DDX4: variants seen among roughly 807,000 people sequenced by gnomAD.
The protein encoded by DDX4 is DEAD-box helicase 4, also known as probable ATP-dependent RNA helicase DDX4.
A neutral mutation model predicts 100.0 loss-of-function variants in DDX4; 25 were observed. The ratio of observed to expected loss-of-function variants is 0.25; its 90% CI spans 0.18 to 0.35. DDX4 has a LOEUF of 0.35. Among genes scored for constraint, DDX4 ranks in the 10% least tolerant of loss-of-function variants. DDX4 has a pLI of 1.00. For missense variants in DDX4, 635 were observed against 882.4 expected (o/e 0.72, Z 3.55); for synonymous variants, 259 against 275.7 (o/e 0.94, Z 0.60).
At chr5:55,763,550 G>A (rs917950547) in intron 5 of DDX4, among the ~76,000 whole-genome samples, 2 of 152,016 alleles carry the variant, frequency 1.3e-5, no homozygotes, top group Admixed American at 6.6e-5. Context: ...AAAACTTGAC[G>A]ACTTTTTAAA....
In DDX4 at chr5:55,786,607, T is replaced by C. The variant is rs1369609246; in HGVS notation, c.954T>C (p.Ser318=). ...AGCTTACTCCTGTGCAAAAATACAG[T>C]ATTCCTATCATACTTGCAGGACGAG... is the stretch of plus-strand genomic sequence containing the variant. ...YTKLTPVQKY[S]IPIILAGRDL... The change falls in exon 14 of 22, where the codon AGT becomes AGC. Residue 318 remains serine (S), a synonymous_variant. Coordinates refer to ENST00000505374, the MANE Select transcript of DDX4 (RefSeq NM_024415.3). 4 of 1,612,978 alleles carry C rather than the reference T, an allele frequency of 2.5e-6. No individual in the cohort carries two copies. In the East Asian group the frequency reaches 8.9e-5, roughly 36 times the overall value.
intron 18 of DDX4, among the ~76,000 whole-genome samples, chr5:55,800,068 A>G (rs1743201842): frequency 6.6e-6 from 1 of 152,212 alleles, no homozygotes; most frequent in African/African-American, 2.4e-5. Context: ...TTCATAATAT[A>G]CACTAATAGC....
At position 55,763,456 on chromosome 5, in the gene DDX4, T is replaced by C. The variant is rs935493232; in HGVS notation, c.283+204T>C. On this transcript the variant is annotated intron_variant, in intron 5 of 21. Transcript: ENST00000505374. The stretch of plus-strand genomic sequence containing the variant: ...ATGAAAGATTACTGATGAATGCTTT[T>C]AAAATTAATTCTAGAGACATGTCTG... 2.6e-5 allele frequency among the ~76,000 whole-genome samples: 4 copies of C among 152,162 alleles called. No individual in the cohort carries two copies. In the East Asian group the frequency reaches 7.7e-4, roughly 29 times the overall value.
At chr5:55,790,791 T>A in intron 16 of DDX4, 86 bp downstream of exon 16, 1 of 1,183,098 alleles carries the variant, frequency 8.5e-7, no homozygotes, top group Non-Finnish European at 1.2e-6. Flanking sequence ...AAGACAGATG[T>A]ATTTAGTAGA....
intron 7 of DDX4, among the ~76,000 whole-genome samples, chr5:55,778,607 C>T (rs142785655): frequency 1.9e-3 from 282 of 152,138 alleles, no homozygotes; most frequent in African/African-American, 4.8e-3. Context: ...AGGAAAAAGA[C>T]GTGGGGCCAG....
chr5:55,778,622 T>G (rs1256216893), intron 7 of DDX4, among the ~76,000 whole-genome samples: 2 of 152,166 alleles, frequency 1.3e-5, no homozygotes, highest in East Asian at 3.9e-4. Context: ...GGCCAGGCGC[T>G]GTGGCTCACG....
intron 14 of DDX4, among the ~76,000 whole-genome samples, chr5:55,787,003 C>A (rs1303217897): frequency 6.6e-6 from 1 of 152,168 alleles, no homozygotes; most frequent in Non-Finnish European, 1.5e-5. Flanking sequence ...TGTATTATAG[C>A]TGGTACACTC....
At chr5:55,792,039 A>C (rs553322701) in intron 16 of DDX4, among the ~76,000 whole-genome samples, 117 of 148,764 alleles carry the variant, frequency 7.9e-4, no homozygotes, top group African/African-American at 2.8e-3. Context: ...CAGGAGAATC[A>C]CTTGAACCCA....
chr5:55,793,511 C>G (rs1293731354), intron 17 of DDX4, among the ~76,000 whole-genome samples: 1 of 152,100 alleles, frequency 6.6e-6, no homozygotes, highest in African/African-American at 2.4e-5. Flanking sequence ...AGTTGGGAAC[C>G]ATCTGTAATT....
At position 55,746,905 on chromosome 5, in the gene DDX4, G is replaced by C. The variant is rs374339881; in HGVS notation, c.127+684G>C. On this transcript the variant is annotated intron_variant, in intron 3 of 21. Transcript: ENST00000505374. ...GGCAGTAGTTTTTCACATTGTTGAA[G>C]TCCAAAACAGGATGAAATGCAATTG... is the stretch of plus-strand genomic sequence containing the variant. 4.7e-4 allele frequency among the ~76,000 whole-genome samples: 71 copies of C among 152,274 alleles called. 1 individual carries two copies. In the South Asian group the frequency reaches 9.1e-3, roughly 20 times the overall value.
In DDX4 at chr5:55,815,184, T is replaced by C. The variant is rs1282145076; in HGVS notation, c.1986+13T>C. On this transcript the variant is annotated intron_variant, in intron 20 of 21. Coordinates refer to ENST00000505374, the MANE Select transcript of DDX4 (RefSeq NM_024415.3). ...AGTATTGACAGATGTAAGTTAAACTTTTATGATGGAATGGATAGTTTTCTT... is the reference window on the plus strand; with the variant it reads ...AGTATTGACAGATGTAAGTTAAACTCTTATGATGGAATGGATAGTTTTCTT... 1 of 1,611,718 alleles carries C rather than the reference T, an allele frequency of 6.2e-7. No homozygotes were observed. Among genetic ancestry groups the C allele is most frequent in the East Asian group, 2.2e-5 (1 of 44,856 alleles).
At chr5:55,804,449 G>T (rs1743555896) in intron 18 of DDX4, among the ~76,000 whole-genome samples, 1 of 152,136 alleles carries the variant, frequency 6.6e-6, no homozygotes, top group South Asian at 2.1e-4. Context: ...GGTTTTTATG[G>T]TTTCTGGTCT....
chr5:55,793,062 G>GTT (rs1233483852), intron 17 of DDX4, among the ~76,000 whole-genome samples: 10 of 150,476 alleles, frequency 6.6e-5, no homozygotes, highest in African/African-American at 2.2e-4. Flanking sequence ...GTGTTTGTGT[G>GTT]TGTTGTTGTT....
chr5:55,780,168 A>C (rs1429940695), intron 8 of DDX4, 103 bp downstream of exon 8: 64 of 1,482,358 alleles, frequency 4.3e-5, no homozygotes, highest in Non-Finnish European at 5.5e-5. Context: ...TTATATGAGA[A>C]TAGCTTAGCT....
intron 19 of DDX4, 59 bp from the exon 20 acceptor site, chr5:55,814,842 A>G: frequency 1.3e-6 from 2 of 1,535,868 alleles, no homozygotes; most frequent in Admixed American, 2.0e-5. Context: ...TTGAACTTTA[A>G]TGATTCACTT....
At chr5:55,796,149 C>G (rs1742920203) in intron 17 of DDX4, among the ~76,000 whole-genome samples, 1 of 152,166 alleles carries the variant, frequency 6.6e-6, no homozygotes, top group Admixed American at 6.5e-5. Context: ...TGCCTGCGTT[C>G]TTGTAGCTGC....
At chr5:55,804,342 C>T in intron 18 of DDX4, among the ~76,000 whole-genome samples, 1 of 150,774 alleles carries the variant, frequency 6.6e-6, no homozygotes, top group Non-Finnish European at 1.5e-5. Context: ...TCCCATTTGT[C>T]AATTTTGGCT....
chr5:55,812,053 G>A (rs904935376), intron 18 of DDX4, among the ~76,000 whole-genome samples: 3 of 152,092 alleles, frequency 2.0e-5, no homozygotes, highest in African/African-American at 7.2e-5. Flanking sequence ...ACTTAATTAT[G>A]TAAACTTGGA....
At chr5:55,813,093 A>G (rs1744207687) in intron 18 of DDX4, among the ~76,000 whole-genome samples, 1 of 152,166 alleles carries the variant, frequency 6.6e-6, no homozygotes, top group Admixed American at 6.5e-5. Flanking sequence ...TAAATATTTT[A>G]AGGAGTAAAT....
Sources: allele counts gnomAD v4.1 joint callset (sites outside exome capture counted in the v4.1 genomes callset), GRCh38; gene constraint gnomAD v4.1.1; transcripts MANE v1.5; gene names NCBI Gene and HGNC (gene_info 2026-07-23, HGNC 2026-07-21).